The following COG3 variants were observed in gnomAD, a reference collection of about 807,000 sequenced individuals.
COG3 encodes the protein conserved oligomeric Golgi complex subunit 3.
COG3 carries 32 observed loss-of-function variants against 114.1 expected under a neutral mutation model. The observed-to-expected ratio is 0.28, with a 90% CI of 0.21 to 0.38. The LOEUF is 0.38. Among genes scored for constraint, COG3 ranks in the 10% least tolerant of loss-of-function variants. The pLI, the probability that COG3 is intolerant of heterozygous loss-of-function variation, is 1.00. For missense variants in COG3, 813 were observed against 973.2 expected (o/e 0.84, Z 2.19); for synonymous variants, 352 against 365.7 (o/e 0.96, Z 0.43).
chr13:45,517,652 C>T (rs1871688158), intron 17 of COG3, among the ~76,000 whole-genome samples: 1 of 152,166 alleles, frequency 6.6e-6, no homozygotes, highest in African/African-American at 2.4e-5. Flanking sequence ...AGGCTTCCAT[C>T]TCCCACCCAT....
rs112183780 is a variant in COG3, at chr13:45,486,270, C to T, written c.844-225C>T. On this transcript the variant is annotated intron_variant, in intron 7 of 22. Coordinates refer to ENST00000349995, the MANE Select transcript of COG3 (RefSeq NM_031431.4). ...GCAGCAGTACAGTCCAGCTTCGGCT[C>T]GGCATGAGAGGGAGACCATCGGGAG... Among the ~76,000 whole-genome samples, 473 of 140,682 alleles carry T rather than the reference C, an allele frequency of 3.4e-3. 8 individuals are homozygous for T. The highest frequency in any genetic ancestry group is 7.0e-3 in the Middle Eastern group (2 of 286). 92.3% of individuals were successfully genotyped at this position (140,682 alleles called of 152,430 possible).
intron 9 of COG3, 92 bp from the exon 10 acceptor site, chr13:45,491,320 A>T: frequency 7.5e-7 from 1 of 1,340,918 alleles, no homozygotes; most frequent in Non-Finnish European, 1.0e-6. Context: ...TTATAGCTTT[A>T]AAAGAGGTTT....
At chr13:45,492,037 C>A in intron 10 of COG3, 122 bp from the exon 11 acceptor site, 1 of 541,562 alleles carries the variant, frequency 1.8e-6, no homozygotes, top group South Asian at 3.4e-5. Flanking sequence ...TTCCGTTCTT[C>A]AGTAAGTTGT....
intron 3 of COG3, among the ~76,000 whole-genome samples, 192 bp downstream of exon 3, chr13:45,479,258 C>T (rs187697735): frequency 2.8e-4 from 43 of 152,192 alleles, no homozygotes; most frequent in African/African-American, 1.0e-3. Context: ...TGATTAAAAA[C>T]AAAAAGAATT....
chr13:45,508,655 A>C (rs1172458748), intron 14 of COG3, among the ~76,000 whole-genome samples: 1 of 152,176 alleles, frequency 6.6e-6, no homozygotes, highest in African/African-American at 2.4e-5. Context: ...TCCATCTTTC[A>C]ATATCACCTG....
intron 8 of COG3, among the ~76,000 whole-genome samples, 185 bp from the exon 9 acceptor site, chr13:45,490,729 TA>T (rs1332643519): frequency 6.8e-6 from 1 of 147,902 alleles, no homozygotes; most frequent in Non-Finnish European, 1.5e-5. Flanking sequence ...ACTGTGGATA[TA>T]AAAAAACTGA....
At chr13:45,511,580 C>G (rs923278792) in intron 15 of COG3, among the ~76,000 whole-genome samples, 185 bp from the exon 16 acceptor site, 3 of 152,178 alleles carry the variant, frequency 2.0e-5, no homozygotes, top group Non-Finnish European at 2.9e-5. Context: ...CTGCATATTA[C>G]ATATCTATGT....
chr13:45,465,263 G>A, intron 1 of COG3, 53 bp downstream of exon 1: 1 of 1,592,958 alleles, frequency 6.3e-7, no homozygotes, highest in Non-Finnish European at 8.6e-7. Context: ...GATTCTCCTC[G>A]GGCGCCCCGG....
At chr13:45,513,886 AACAAT>A (rs1367859906) in intron 16 of COG3, among the ~76,000 whole-genome samples, 1 of 152,110 alleles carries the variant, frequency 6.6e-6, no homozygotes, top group Admixed American at 6.5e-5. Context: ...TTAAAAATGA[AACAAT>A]AAAATTTAAC....
At chr13:45,504,705 G>C (rs973484151) in intron 14 of COG3, among the ~76,000 whole-genome samples, 1 of 152,168 alleles carries the variant, frequency 6.6e-6, no homozygotes, top group African/African-American at 2.4e-5. Flanking sequence ...GTTGAATAAG[G>C]TCCATGTGGA....
At chr13:45,486,184 G>T (rs940059309) in intron 7 of COG3, among the ~76,000 whole-genome samples, 1 of 144,640 alleles carries the variant, frequency 6.9e-6, no homozygotes, top group Non-Finnish European at 1.5e-5. Context: ...GCCTGCAATC[G>T]CAGGCATTCG....
intron 20 of COG3, among the ~76,000 whole-genome samples, chr13:45,527,848 G>C (rs1260851076): frequency 1.3e-5 from 2 of 152,068 alleles, no homozygotes; most frequent in African/African-American, 4.8e-5. Context: ...ATGTATTAAT[G>C]AAAAATAAGC....
chr13:45,488,366 G>A (rs1349018440), intron 8 of COG3, among the ~76,000 whole-genome samples: 2 of 151,906 alleles, frequency 1.3e-5, no homozygotes, highest in African/African-American at 4.8e-5. Context: ...TAGCTAAGAG[G>A]GAAGATTTGA....
At chr13:45,486,405 A>G (rs891879003) in intron 7 of COG3, 90 bp from the exon 8 acceptor site, 36 of 781,718 alleles carry the variant, frequency 4.6e-5, no homozygotes, top group South Asian at 1.4e-5. Context: ...CAGGCCAAGC[A>G]GTAGCCATAG....
chr13:45,503,330 TA>T lies in COG3; in HGVS notation c.1577del (p.Asn526ThrfsTer3). 1 of 1,585,338 alleles carries T rather than the reference TA, an allele frequency of 6.3e-7. No homozygotes were observed. Among genetic ancestry groups the T allele is most frequent in the Non-Finnish European group, 8.7e-7 (1 of 1,154,014 alleles). ...ATGTTCACTTAGAAGAAGGAGAGTC[TA>T]ACAGTCTGACAAAATCTGGTATGTT... Reference protein sequence around the residue: ...SDVHLEEGESNSLTKSGSTES... With the variant: ...SDVHLEEGESXSLTKSGSTES... On this transcript the variant is annotated frameshift_variant, in exon 14 of 23. Transcript: ENST00000349995. LOFTEE classifies it high-confidence loss of function.
intron 19 of COG3, among the ~76,000 whole-genome samples, chr13:45,521,802 CTTTTT>C (rs59075597): frequency 2.0e-4 from 22 of 111,370 alleles, no homozygotes; most frequent in Admixed American, 2.8e-4. Flanking sequence ...ATTTAGTTAG[CTTTTT>C]TTTTTTTTTT....
chr13:45,509,125 C>T (rs1202778169), intron 14 of COG3, among the ~76,000 whole-genome samples: 4 of 151,798 alleles, frequency 2.6e-5, no homozygotes, highest in Admixed American at 6.6e-5. Context: ...CTGTAACCTC[C>T]GGCTCCCAGG....
At chr13:45,474,545 A>G (rs1885738565) in intron 1 of COG3, among the ~76,000 whole-genome samples, 1 of 152,202 alleles carries the variant, frequency 6.6e-6, no homozygotes, top group Admixed American at 6.5e-5. Flanking sequence ...GATTAGAAAC[A>G]TCAAGTAATT....
chr13:45,523,818 T>A (rs868702516), intron 19 of COG3, among the ~76,000 whole-genome samples: 21 of 152,336 alleles, frequency 1.4e-4, no homozygotes, highest in African/African-American at 5.1e-4. Flanking sequence ...TGTAAATGTA[T>A]ACACATTAGT....
Sources: allele counts gnomAD v4.1 joint callset (sites outside exome capture counted in the v4.1 genomes callset), GRCh38; gene constraint gnomAD v4.1.1; transcripts MANE v1.5; gene names NCBI Gene and HGNC (gene_info 2026-07-23, HGNC 2026-07-21).